Variants in MOB3B observed in about 807,000 individuals in gnomAD.
MOB3B encodes the protein MOB kinase activator-like 2B.
Under a neutral mutation model 18.7 loss-of-function variants are expected in MOB3B, and 7 were observed. The ratio of observed to expected loss-of-function variants is 0.37; its 90% CI spans 0.21 to 0.70. The LOEUF (loss-of-function observed/expected upper bound fraction) is 0.70. MOB3B is among the 30% of genes least tolerant of loss of function. The probability of loss-of-function intolerance (pLI) is 0.52; values close to 1 mark genes in which losing one functional copy is unlikely to be tolerated. For synonymous variants in MOB3B, 111 were observed against 99.9 expected (o/e 1.11, Z -0.66); for missense variants, 253 against 281.3 (o/e 0.90, Z 0.72).
intron 1 of MOB3B, among the ~76,000 whole-genome samples, chr9:27,474,877 G>C (rs1281976203): frequency 6.6e-6 from 1 of 152,134 alleles, no homozygotes; most frequent in Admixed American, 6.5e-5. Context: ...CAAATGTATT[G>C]GGTTATGGTG....
chr9:27,353,454 A>G (rs1231956918), intron 3 of MOB3B, among the ~76,000 whole-genome samples: 3 of 152,164 alleles, frequency 2.0e-5, no homozygotes, highest in African/African-American at 7.2e-5. Flanking sequence ...GACTCCTGAG[A>G]AACCCCTATG....
In MOB3B at chr9:27,359,387, G is replaced by T; in HGVS notation, c.419-151C>A. 3.3e-6 allele frequency: 2 copies of T among 614,622 alleles called. 1 individual carries two copies. The highest frequency in any genetic ancestry group is 5.8e-5 in the East Asian group (2 of 34,430). The allele number at this position is 614,622 out of a possible 1,614,324, so 38.1% of individuals were successfully genotyped here. A position where few individuals can be genotyped will look rare whatever the true frequency, so the allele number is the denominator to read the frequency against. ...AGGGAGTGTGTGTGTGTGGGGGGGG[G>T]GGGTTGGTAGCAAACTAGAAAGCAC... On this transcript the variant is annotated intron_variant, in intron 2 of 3. Transcript: ENST00000262244.
intron 2 of MOB3B, among the ~76,000 whole-genome samples, chr9:27,382,831 C>T (rs1156782844): frequency 1.3e-5 from 2 of 152,014 alleles, no homozygotes; most frequent in Non-Finnish European, 2.9e-5. Context: ...TTCCCTCTCC[C>T]CTACCCAATC....
chr9:27,384,732 G>T (rs775943272), intron 2 of MOB3B, among the ~76,000 whole-genome samples: 1 of 152,214 alleles, frequency 6.6e-6, no homozygotes, highest in Non-Finnish European at 1.5e-5. Flanking sequence ...TCAGACGGAA[G>T]CATCTCTGTC....
intron 2 of MOB3B, among the ~76,000 whole-genome samples, chr9:27,453,171 A>T (rs1034100513): frequency 2.0e-4 from 30 of 151,444 alleles, no homozygotes; most frequent in African/African-American, 4.4e-4. Context: ...TCATTAATTT[A>T]AAAAAAAAGG....
intron 2 of MOB3B, among the ~76,000 whole-genome samples, chr9:27,389,028 T>C (rs1007612974): frequency 6.6e-6 from 1 of 152,200 alleles, no homozygotes; most frequent in African/African-American, 2.4e-5. Context: ...GAGTAATCAT[T>C]TTAAAAATAA....
rs1252819544 is a variant in MOB3B, at chr9:27,360,232, G to A, written c.419-996C>T. Reference sequence around the variant, plus strand: ...GGAAAAGAATTACCCGGCCAGATGCGGTGGCTCACACCTGTAATTCCAGCA... The same window carrying A: ...GGAAAAGAATTACCCGGCCAGATGCAGTGGCTCACACCTGTAATTCCAGCA... On this transcript the variant is annotated intron_variant, in intron 2 of 3. Coordinates refer to ENST00000262244, the MANE Select transcript of MOB3B (RefSeq NM_024761.5). Among the ~76,000 whole-genome samples, 4 of 152,148 alleles carry A rather than the reference G, an allele frequency of 2.6e-5. No homozygotes were observed. The South Asian group carries it at 6.2e-4, about 24-fold the overall frequency.
At chr9:27,446,257 T>C (rs1822691348) in intron 2 of MOB3B, among the ~76,000 whole-genome samples, 1 of 152,068 alleles carries the variant, frequency 6.6e-6, no homozygotes, top group African/African-American at 2.4e-5. Flanking sequence ...ATATGAACTA[T>C]GTGGCATCCT....
At chr9:27,465,606 C>A (rs1254486353) in intron 1 of MOB3B, among the ~76,000 whole-genome samples, 1 of 152,224 alleles carries the variant, frequency 6.6e-6, no homozygotes, top group East Asian at 1.9e-4. Flanking sequence ...TTCCCTTCTG[C>A]ACTGCCCTAG....
In MOB3B at chr9:27,425,953, C is replaced by T. The variant is rs72723276; in HGVS notation, c.418+29180G>A. 9.4e-3 allele frequency among the ~76,000 whole-genome samples: 1,433 copies of T among 152,240 alleles called. 12 individuals are homozygous for T. The highest frequency in any genetic ancestry group is 0.014 in the Middle Eastern group (4 of 294). On this transcript the variant is annotated intron_variant, in intron 2 of 3. Coordinates refer to ENST00000262244, the MANE Select transcript of MOB3B (RefSeq NM_024761.5). ...ACGGCAAACTGACTTATCCATTAGA[C>T]GTTAGACGAAATAGCCCTGATTCAC...
intron 2 of MOB3B, among the ~76,000 whole-genome samples, chr9:27,403,449 A>T (rs1479290394): frequency 6.6e-6 from 1 of 151,860 alleles, no homozygotes; most frequent in African/African-American, 2.4e-5. Flanking sequence ...TTAAGATCCC[A>T]AAGAGAAACA....
chr9:27,434,888 C>T (rs2131426199), intron 2 of MOB3B, among the ~76,000 whole-genome samples: 1 of 152,260 alleles, frequency 6.6e-6, no homozygotes, highest in Non-Finnish European at 1.5e-5. Flanking sequence ...CAAAACATGA[C>T]TGTAGGAGAA....
At chr9:27,481,509 T>TG (rs1011489498) in intron 1 of MOB3B, among the ~76,000 whole-genome samples, 1 of 70,548 alleles carries the variant, frequency 1.4e-5, no homozygotes, top group South Asian at 4.3e-4. Context: ...TTTTTTTTTT[T>TG]TGTTTTTTTT....
At chr9:27,455,096 A>G (rs1157225724) in intron 2 of MOB3B, 37 bp downstream of exon 2, 16 of 1,611,766 alleles carry the variant, frequency 9.9e-6, no homozygotes, top group Non-Finnish European at 1.1e-5. Context: ...AAGATTGTGC[A>G]GGTGACAAAA....
At chr9:27,503,822 C>G (rs1473718822) in intron 1 of MOB3B, among the ~76,000 whole-genome samples, 4 of 152,206 alleles carry the variant, frequency 2.6e-5, no homozygotes, top group Non-Finnish European at 4.4e-5. Flanking sequence ...GGAGTTTGCC[C>G]TCTTGGGATT....
intron 2 of MOB3B, among the ~76,000 whole-genome samples, chr9:27,428,278 G>A (rs1563866376): frequency 6.6e-6 from 1 of 151,990 alleles, no homozygotes; most frequent in Non-Finnish European, 1.5e-5. Context: ...GACCACCTAG[G>A]GAAATTGTTA....
chr9:27,525,844 T>C (rs1820428276), intron 1 of MOB3B, among the ~76,000 whole-genome samples: 1 of 152,252 alleles, frequency 6.6e-6, no homozygotes, highest in Admixed American at 6.5e-5. Context: ...GCTATTCCAA[T>C]AATACATAAT....
Position 27,455,686 on chromosome 9 carries a change from T to G in MOB3B, c.-136A>C. The stretch of plus-strand genomic sequence containing the variant: ...GTCTTACAGCCTGTAGCTTTTAAGC[T>G]CTTCTAAACAGCCCCTTCCATCTTC... On this transcript the variant is annotated 5_prime_UTR_variant, in exon 2 of 4. Coordinates refer to ENST00000262244, the MANE Select transcript of MOB3B (RefSeq NM_024761.5). The G allele has an allele frequency of 2.0e-6, 3 of 1,508,552 alleles. No individual in the cohort carries two copies. The highest frequency in any genetic ancestry group is 2.6e-6 in the Non-Finnish European group (3 of 1,140,612). The allele number at this position is 1,508,552 out of a possible 1,614,324, so 93.4% of individuals were successfully genotyped here. A position where few individuals can be genotyped will look rare whatever the true frequency, so the allele number is the denominator to read the frequency against.
intron 2 of MOB3B, among the ~76,000 whole-genome samples, chr9:27,393,281 T>C (rs1821753658): frequency 6.6e-6 from 1 of 152,162 alleles, no homozygotes; most frequent in African/African-American, 2.4e-5. Flanking sequence ...ATAGGCCAGG[T>C]GATTATTTGT....
Sources: allele counts gnomAD v4.1 joint callset (sites outside exome capture counted in the v4.1 genomes callset), GRCh38; gene constraint gnomAD v4.1.1; transcripts MANE v1.5; gene names NCBI Gene and HGNC (gene_info 2026-07-23, HGNC 2026-07-21).